SLC26A7: variants seen among roughly 807,000 people sequenced by gnomAD.
SLC26A7 encodes the protein solute carrier family 26 member 7.
In SLC26A7, 59 loss-of-function variants were observed where a neutral mutation model predicts 82.5. That is an observed-to-expected ratio of 0.72 (90% CI 0.58 to 0.89). The LOEUF is 0.89. Ranked by LOEUF, SLC26A7 falls within the 40% of genes least tolerant of loss-of-function variation. SLC26A7 has a pLI of 0.00. For synonymous variants in SLC26A7, 271 were observed against 274.3 expected (o/e 0.99, Z 0.12); for missense variants, 820 against 793.0 (o/e 1.03, Z -0.41).
At chr8:91,223,988 G>A (rs1810199645) in intron 2 of SLC26A7, among the ~76,000 whole-genome samples, 2 of 151,696 alleles carry the variant, frequency 1.3e-5, no homozygotes, top group South Asian at 4.2e-4. Flanking sequence ...ACTTGTGTAT[G>A]CTTTAAGAAG....
At chr8:91,317,522 G>T (rs1812671183) in intron 4 of SLC26A7, among the ~76,000 whole-genome samples, 1 of 152,144 alleles carries the variant, frequency 6.6e-6, no homozygotes, top group Admixed American at 6.5e-5. Context: ...TACTGCTCAA[G>T]GTCATCGCCA....
chr8:91,332,697 A>AT (rs201909729), intron 5 of SLC26A7, among the ~76,000 whole-genome samples: 3,170 of 151,238 alleles, frequency 0.021, 101 homozygotes, highest in African/African-American at 0.072. Flanking sequence ...TACCCAGCTA[A>AT]TTTTTTAAAT....
intron 10 of SLC26A7, 64 bp downstream of exon 10, chr8:91,351,951 A>G: frequency 7.9e-7 from 1 of 1,259,710 alleles, no homozygotes. Context: ...CATTGCATAT[A>G]AAATTTCTTG....
chr8:91,343,541 C>T, intron 9 of SLC26A7, 75 bp downstream of exon 9: 1 of 1,018,236 alleles, frequency 9.8e-7, no homozygotes. Flanking sequence ...GAAGAGCTAG[C>T]TTCTCTTTAA....
chr8:91,348,211 A>G (rs1257597148), intron 9 of SLC26A7: 2 of 482,870 alleles, frequency 4.1e-6, no homozygotes, highest in Non-Finnish European at 5.4e-6. Context: ...AACCTTCTTA[A>G]TCTAGCTTTA....
chr8:91,273,017 T>G (rs1046087859), intron 2 of SLC26A7, among the ~76,000 whole-genome samples: 1 of 152,126 alleles, frequency 6.6e-6, no homozygotes, highest in Non-Finnish European at 1.5e-5. Flanking sequence ...TTTAGATCAG[T>G]GTTTTATGTA....
At chr8:91,262,705 A>G (rs570605946) in intron 2 of SLC26A7, among the ~76,000 whole-genome samples, 1 of 152,044 alleles carries the variant, frequency 6.6e-6, no homozygotes, top group Non-Finnish European at 1.5e-5. Context: ...GATTACCACA[A>G]TCTCAGCTTT....
At chr8:91,234,662 A>G (rs943305981) in intron 2 of SLC26A7, among the ~76,000 whole-genome samples, 6 of 152,142 alleles carry the variant, frequency 3.9e-5, no homozygotes, top group African/African-American at 9.7e-5. Flanking sequence ...TGAAAACCCT[A>G]TATTTTTTTC....
chr8:91,397,845 T>C lies in SLC26A7; in HGVS notation c.*2748T>C, dbSNP rs1465757082. 1 of 152,550 alleles carries C rather than the reference T, an allele frequency of 6.6e-6. No individual in the cohort carries two copies. Among genetic ancestry groups the C allele is most frequent in the Non-Finnish European group, 1.5e-5 (1 of 67,952 alleles). 9.4% of individuals were successfully genotyped at this position (152,550 alleles called of 1,614,324 possible). On this transcript the variant is annotated 3_prime_UTR_variant, in exon 19 of 19. Transcript: ENST00000276609. Reference sequence around the variant, plus strand: ...ACATTTAGTGGTTTCCAAAATATATTAGTATATTGTTGAACATACATTATG... The same window carrying C: ...ACATTTAGTGGTTTCCAAAATATATCAGTATATTGTTGAACATACATTATG...
At chr8:91,342,864 A>G (rs184928767) in intron 8 of SLC26A7, among the ~76,000 whole-genome samples, 1 of 152,216 alleles carries the variant, frequency 6.6e-6, no homozygotes, top group East Asian at 1.9e-4. Context: ...AAAGAACCAC[A>G]AAAGGCATTA....
intron 1 of SLC26A7, among the ~76,000 whole-genome samples, chr8:91,211,918 G>T (rs1037854342): frequency 6.6e-6 from 1 of 151,944 alleles, no homozygotes; most frequent in African/African-American, 2.4e-5. Context: ...TTCTATTCAG[G>T]TGAATGTAAA....
At chr8:91,307,818 A>G (rs1812363609) in intron 4 of SLC26A7, among the ~76,000 whole-genome samples, 1 of 150,170 alleles carries the variant, frequency 6.7e-6, no homozygotes, top group Admixed American at 6.6e-5. Flanking sequence ...TAAATAAATA[A>G]AAAAAATAAA....
chr8:91,295,268 G>A (rs1490559210), intron 3 of SLC26A7, among the ~76,000 whole-genome samples: 1 of 152,176 alleles, frequency 6.6e-6, no homozygotes. Context: ...AATCTGCAGA[G>A]AGGTGGGAAA....
At chr8:91,382,381 C>T (rs573273493) in intron 15 of SLC26A7, among the ~76,000 whole-genome samples, 19 of 152,152 alleles carry the variant, frequency 1.2e-4, no homozygotes, top group Non-Finnish European at 2.5e-4. Context: ...ATTTATGGCT[C>T]CAACATCTAA....
At chr8:91,212,289 G>T (rs1315290570) in intron 1 of SLC26A7, among the ~76,000 whole-genome samples, 1 of 152,012 alleles carries the variant, frequency 6.6e-6, no homozygotes, top group Admixed American at 6.6e-5. Flanking sequence ...CTGTGCCCAA[G>T]ATATGCATTT....
chr8:91,357,225 T>C (rs1425478025), intron 11 of SLC26A7: 1 of 152,194 alleles, frequency 6.6e-6, no homozygotes, highest in Non-Finnish European at 1.5e-5. Context: ...ATTTTCAGGA[T>C]TCTGGCATTT....
intron 14 of SLC26A7, 143 bp from the exon 15 acceptor site, chr8:91,369,642 A>G (rs979013182): frequency 1.8e-6 from 1 of 560,038 alleles, no homozygotes. Flanking sequence ...TTTATACATT[A>G]TTCTGAAAAG....
chr8:91,357,870 G>T (rs1464345472), intron 11 of SLC26A7, among the ~76,000 whole-genome samples: 2 of 152,126 alleles, frequency 1.3e-5, no homozygotes, highest in Non-Finnish European at 1.5e-5. Flanking sequence ...ATCTGACAAA[G>T]GGCTAATATC....
chr8:91,358,087 G>A lies in SLC26A7; in HGVS notation c.1315-4266G>A, dbSNP rs189713523. ...ATCATCTCCCACCAGTTAGAATGGC[G>A]ATCATTAAAAAGTCAGGAAACAACA... On this transcript the variant is annotated intron_variant, in intron 11 of 18. Coordinates refer to ENST00000276609, the MANE Select transcript of SLC26A7 (RefSeq NM_052832.4). 2.2e-3 allele frequency among the ~76,000 whole-genome samples: 329 copies of A among 152,204 alleles called. 7 individuals carry two copies. Among genetic ancestry groups the A allele is most frequent in the East Asian group, 0.017 (88 of 5,170 alleles).
Sources: gnomAD v4.1 joint callset for allele counts (sites outside exome capture counted in the v4.1 genomes callset) on GRCh38, gnomAD v4.1.1 for gene constraint, MANE v1.5 for transcripts, NCBI Gene and HGNC (gene_info 2026-07-23, HGNC 2026-07-21) for gene names.